Variants in FGF12 observed in about 807,000 individuals in gnomAD.
The protein encoded by FGF12 is fibroblast growth factor 12B.
A neutral mutation model predicts 23.6 loss-of-function variants in FGF12; 14 were observed. The ratio of observed to expected loss-of-function variants is 0.59; its 90% CI spans 0.39 to 0.93. FGF12 has a LOEUF of 0.93. Among genes scored for constraint, FGF12 ranks in the 40% least tolerant of loss-of-function variants. FGF12 has a pLI of 0.00. For synonymous variants in FGF12, 62 were observed against 77.3 expected (o/e 0.80, Z 1.04); for missense variants, 175 against 217.8 (o/e 0.80, Z 1.24).
chr3:192,646,234 A>ATCAG (rs965611182), intron 2 of FGF12, among the ~76,000 whole-genome samples: 1 of 151,868 alleles, frequency 6.6e-6, no homozygotes, highest in Non-Finnish European at 1.5e-5. Flanking sequence ...CAATCAATCA[A>ATCAG]TCATCAGAGT....
chr3:192,586,437 T>C (rs1200617653), intron 2 of FGF12, among the ~76,000 whole-genome samples: 1 of 152,198 alleles, frequency 6.6e-6, no homozygotes, highest in Non-Finnish European at 1.5e-5. Context: ...TTACCAATGA[T>C]TTAATGAAAG....
intron 4 of FGF12, among the ~76,000 whole-genome samples, chr3:192,286,478 A>G (rs1714454985): frequency 6.6e-6 from 1 of 152,028 alleles, no homozygotes; most frequent in Non-Finnish European, 1.5e-5. Context: ...ATGATCTGCA[A>G]TCTGACTGAA....
At chr3:192,581,482 G>GTATATATATATGTATATATA (rs1462363553) in intron 2 of FGF12, among the ~76,000 whole-genome samples, 2 of 72,792 alleles carry the variant, frequency 2.7e-5, no homozygotes, top group African/African-American at 5.8e-5. Context: ...ATATGTGTGT[G>GTATATATATATGTATATATA]TGTGTATATA....
At chr3:192,193,722 C>A (rs1369665425) in intron 4 of FGF12, among the ~76,000 whole-genome samples, 1 of 152,084 alleles carries the variant, frequency 6.6e-6, no homozygotes, top group Non-Finnish European at 1.5e-5. Context: ...ATTCCCCAGT[C>A]CTTACTGAAA....
chr3:192,236,537 C>T (rs1164710030), intron 4 of FGF12, among the ~76,000 whole-genome samples: 1 of 152,066 alleles, frequency 6.6e-6, no homozygotes, highest in African/African-American at 2.4e-5. Context: ...TCTTAGTGTT[C>T]CAGTGTTGGG....
At chr3:192,250,481 C>A (rs192543098) in intron 4 of FGF12, among the ~76,000 whole-genome samples, 2,862 of 151,994 alleles carry the variant, frequency 0.019, 71 homozygotes, top group African/African-American at 0.054. Flanking sequence ...ACAATACAAG[C>A]ATAAGTGTTT....
chr3:192,524,695 C>G (rs1229705287), intron 2 of FGF12, among the ~76,000 whole-genome samples: 1 of 152,196 alleles, frequency 6.6e-6, no homozygotes, highest in Non-Finnish European at 1.5e-5. Flanking sequence ...TTGCCACTCT[C>G]ACATACCAGG....
chr3:192,550,746 T>C (rs781609526), intron 2 of FGF12, among the ~76,000 whole-genome samples: 9 of 152,082 alleles, frequency 5.9e-5, no homozygotes, highest in Non-Finnish European at 1.2e-4. Context: ...TTCTGATACA[T>C]AACCAAAGAG....
chr3:192,278,290 C>T (rs988679528), intron 4 of FGF12, among the ~76,000 whole-genome samples: 4 of 152,082 alleles, frequency 2.6e-5, no homozygotes, highest in African/African-American at 9.7e-5. Context: ...AAATTGATTA[C>T]ACTGCTCTAA....
chr3:192,365,282 A>T (rs1168800378), intron 2 of FGF12, among the ~76,000 whole-genome samples: 3 of 152,006 alleles, frequency 2.0e-5, no homozygotes, highest in Non-Finnish European at 2.9e-5. Context: ...AAAAACTATC[A>T]ATGTCATTGA....
chr3:192,148,232 G>A (rs921856224), intron 5 of FGF12, among the ~76,000 whole-genome samples: 1 of 152,154 alleles, frequency 6.6e-6, no homozygotes, highest in African/African-American at 2.4e-5. Flanking sequence ...ACAAATGAAT[G>A]GGTAAATATA....
chr3:192,235,906 G>T (rs1177939281), intron 4 of FGF12, among the ~76,000 whole-genome samples: 4 of 151,892 alleles, frequency 2.6e-5, no homozygotes, highest in African/African-American at 9.7e-5. Flanking sequence ...CTAGCTTTGG[G>T]GTTGGGTTAC....
chr3:192,708,221 A>C (rs1042776929), intron 2 of FGF12, among the ~76,000 whole-genome samples: 10 of 152,094 alleles, frequency 6.6e-5, no homozygotes, highest in African/African-American at 2.4e-4. Flanking sequence ...GGCCTCCCAA[A>C]GTGCTGGGAT....
chr3:192,263,631 T>C (rs989744743), intron 4 of FGF12, among the ~76,000 whole-genome samples: 14 of 152,008 alleles, frequency 9.2e-5, no homozygotes, highest in African/African-American at 2.4e-4. Context: ...TCTTTTTTAA[T>C]GCTCCATGAA....
intron 4 of FGF12, among the ~76,000 whole-genome samples, chr3:192,292,456 T>C (rs1456926247): frequency 6.6e-6 from 1 of 152,204 alleles, no homozygotes; most frequent in Non-Finnish European, 1.5e-5. Flanking sequence ...TAATCAGTGC[T>C]AATTTCTCAT....
intron 4 of FGF12, among the ~76,000 whole-genome samples, chr3:192,196,526 A>G (rs1004165615): frequency 2.0e-5 from 3 of 151,968 alleles, no homozygotes; most frequent in African/African-American, 7.3e-5. Flanking sequence ...CTGATGGGAC[A>G]GTAGAGCTTT....
chr3:192,617,068 G>C (rs1714783938), intron 2 of FGF12, among the ~76,000 whole-genome samples: 1 of 151,898 alleles, frequency 6.6e-6, no homozygotes, highest in South Asian at 2.1e-4. Flanking sequence ...TTTTTGGAAG[G>C]TATGTCAGTA....
chr3:192,614,140 T>A (rs1235741686), intron 2 of FGF12, among the ~76,000 whole-genome samples: 2 of 152,064 alleles, frequency 1.3e-5, no homozygotes, highest in Middle Eastern at 3.4e-3. Flanking sequence ...ACTCTGTATA[T>A]CCCTACCACA....
At position 192,330,570 on chromosome 3, in the gene FGF12, A is replaced by T. The variant is rs144203902; in HGVS notation, c.228+4791T>A. ...TTACACCACATGTAACATTAATTCA[A>T]AATGGATTACAAATCTCTGCATAAG... On this transcript the variant is annotated intron_variant, in intron 4 of 5. Coordinates refer to ENST00000445105, the MANE Select transcript of FGF12 (RefSeq NM_004113.6). 1.1e-4 allele frequency among the ~76,000 whole-genome samples: 17 copies of T among 152,230 alleles called. No homozygotes were observed. In the East Asian group the frequency reaches 3.3e-3, roughly 29 times the overall value.
Sources: allele counts gnomAD v4.1 joint callset (sites outside exome capture counted in the v4.1 genomes callset), GRCh38; gene constraint gnomAD v4.1.1; transcripts MANE v1.5; gene names NCBI Gene and HGNC (gene_info 2026-07-23, HGNC 2026-07-21).